PPM1E: variants seen among roughly 807,000 people sequenced by gnomAD.
PPM1E encodes the protein protein phosphatase 1E.
Under a neutral mutation model 65.9 loss-of-function variants are expected in PPM1E, and 20 were observed. The ratio of observed to expected loss-of-function variants is 0.30; its 90% CI spans 0.21 to 0.44. The LOEUF is 0.44. Ranked by LOEUF, PPM1E falls within the 20% of genes least tolerant of loss-of-function variation. PPM1E has a pLI of 1.00. For missense variants in PPM1E, 713 were observed against 953.1 expected (o/e 0.75, Z 3.32); for synonymous variants, 352 against 374.9 (o/e 0.94, Z 0.70).
intron 1 of PPM1E, among the ~76,000 whole-genome samples, chr17:58,948,460 G>T (rs957256965): frequency 1.9e-4 from 29 of 151,584 alleles, no homozygotes; most frequent in African/African-American, 7.0e-4. Flanking sequence ...GGCAAGTAAG[G>T]TTTCTTCCTT....
Position 58,756,325 on chromosome 17 carries a change from G to T in PPM1E, c.328G>T (p.Gly110Trp), listed in dbSNP as rs1297508911. 1 of 1,470,620 alleles carries T rather than the reference G, an allele frequency of 6.8e-7. No individual in the cohort carries two copies. The highest frequency in any genetic ancestry group is 2.5e-5 in the Admixed American group (1 of 39,982). The allele number at this position is 1,470,620 out of a possible 1,614,324, so 91.1% of individuals were successfully genotyped here. A position where few individuals can be genotyped will look rare whatever the true frequency, so the allele number is the denominator to read the frequency against. The stretch of plus-strand genomic sequence containing the variant: ...CGCGGCGACGGCGGCGGCAGCCCCG[G>T]GGCACTCGGCCGTGCCGCCGCCGCC... ...EGAATAAAAP[G>W]HSAVPPPPPQ... is the part of the protein sequence containing the mutation. The change falls in exon 1 of 7, where the codon GGG becomes TGG. Residue 110 changes from glycine (G) to tryptophan (W), a missense_variant. Coordinates refer to ENST00000308249, the MANE Select transcript of PPM1E (RefSeq NM_014906.5).
intron 1 of PPM1E, among the ~76,000 whole-genome samples, chr17:58,906,198 A>G (rs2051556196): frequency 6.6e-6 from 1 of 152,142 alleles, no homozygotes; most frequent in East Asian, 1.9e-4. Context: ...GTGATGTCCC[A>G]TCTTTCATTC....
intron 1 of PPM1E, among the ~76,000 whole-genome samples, chr17:58,837,807 T>G (rs544895003): frequency 6.6e-6 from 1 of 152,308 alleles, no homozygotes; most frequent in Non-Finnish European, 1.5e-5. Context: ...CCATGAGGTT[T>G]TTATAAATTA....
chr17:58,899,352 C>T (rs1044186574), intron 1 of PPM1E: 26 of 152,772 alleles, frequency 1.7e-4, no homozygotes. Flanking sequence ...AAACAAAAAA[C>T]AAACAGTTTC....
In PPM1E at chr17:58,984,978, T is replaced by C. The variant is rs1027246005; in HGVS notation, c.*3947T>C. ...GTTCATAACATTTCTCTGCAAAGAA[T>C]TCTCTATGGAGTGAAGCGAATGAAG... On this transcript the variant is annotated 3_prime_UTR_variant, in exon 7 of 7. Coordinates refer to ENST00000308249, the MANE Select transcript of PPM1E (RefSeq NM_014906.5). 1 of 152,664 alleles carries C rather than the reference T, an allele frequency of 6.6e-6. No individual in the cohort carries two copies. Among genetic ancestry groups the C allele is most frequent in the African/African-American group, 2.4e-5 (1 of 41,464 alleles). 9.5% of individuals were successfully genotyped at this position (152,664 alleles called of 1,614,324 possible).
At chr17:58,805,968 A>AC (rs2050304935) in intron 1 of PPM1E, among the ~76,000 whole-genome samples, 1 of 111,324 alleles carries the variant, frequency 9.0e-6, no homozygotes, top group Non-Finnish European at 1.8e-5. Context: ...AAACAAAAAA[A>AC]AAAAACAAAA....
At chr17:58,907,106 C>T (rs1221136580) in intron 1 of PPM1E, among the ~76,000 whole-genome samples, 1 of 152,036 alleles carries the variant, frequency 6.6e-6, no homozygotes, top group Admixed American at 6.6e-5. Flanking sequence ...TTTAGTCGAG[C>T]GTGGTGGCAC....
intron 2 of PPM1E, among the ~76,000 whole-genome samples, chr17:58,963,726 A>AAAATAAT (rs1470456443): frequency 6.6e-6 from 1 of 151,888 alleles, no homozygotes; most frequent in Admixed American, 6.6e-5. Flanking sequence ...TAAAAAATAA[A>AAAATAAT]AAATAAATAA....
At chr17:58,779,331 C>G (rs1333405111) in intron 1 of PPM1E, among the ~76,000 whole-genome samples, 1 of 151,732 alleles carries the variant, frequency 6.6e-6, no homozygotes, top group Non-Finnish European at 1.5e-5. Context: ...ACCACCACAC[C>G]CAGCTAGTTT....
At chr17:58,850,177 T>C (rs1174179251) in intron 1 of PPM1E, among the ~76,000 whole-genome samples, 2 of 152,126 alleles carry the variant, frequency 1.3e-5, no homozygotes, top group Non-Finnish European at 2.9e-5. Flanking sequence ...TGTCTCTGCA[T>C]GTGAGATGGG....
intron 1 of PPM1E, among the ~76,000 whole-genome samples, chr17:58,930,188 G>C (rs1598656577): frequency 6.6e-6 from 1 of 151,636 alleles, no homozygotes; most frequent in Middle Eastern, 3.4e-3. Flanking sequence ...TTAAGTCCAG[G>C]AGTTCAAGAC....
intron 1 of PPM1E, among the ~76,000 whole-genome samples, chr17:58,762,497 TA>T (rs2049830780): frequency 6.6e-6 from 1 of 152,092 alleles, no homozygotes; most frequent in Non-Finnish European, 1.5e-5. Flanking sequence ...AATCATGAGT[TA>T]AACATAATAT....
chr17:58,801,440 CTTTTT>C (rs35970989), intron 1 of PPM1E, among the ~76,000 whole-genome samples: 1 of 101,142 alleles, frequency 9.9e-6, no homozygotes, highest in Non-Finnish European at 2.0e-5. Context: ...CCCCTTCAGT[CTTTTT>C]TTTTTTTTTT....
intron 1 of PPM1E, among the ~76,000 whole-genome samples, chr17:58,870,490 C>T (rs925014335): frequency 2.9e-4 from 44 of 152,250 alleles, no homozygotes; most frequent in Middle Eastern, 3.4e-3. Context: ...CTTGCCCACC[C>T]CCAAGTAGTT....
intron 6 of PPM1E, 106 bp from the exon 7 acceptor site, chr17:58,979,868 C>A (rs2031261154): frequency 2.3e-6 from 2 of 883,532 alleles, no homozygotes; most frequent in Non-Finnish European, 3.4e-6. Context: ...CAAGTCAGTT[C>A]ACAATCCAGT....
At chr17:58,883,242 G>A (rs1469652734) in intron 1 of PPM1E, among the ~76,000 whole-genome samples, 1 of 151,968 alleles carries the variant, frequency 6.6e-6, no homozygotes, top group Non-Finnish European at 1.5e-5. Context: ...ACAGGTGTGA[G>A]CCACCGCGCC....
chr17:58,860,936 T>TA lies in PPM1E; in HGVS notation c.465-94704dup, dbSNP rs1210641831. 1.4e-4 allele frequency among the ~76,000 whole-genome samples: 21 copies of TA among 149,434 alleles called. 1 individual carries two copies. The highest frequency in any genetic ancestry group is 6.4e-4 in the South Asian group (3 of 4,678). ...TGGGCGACAGAGTGAGACTCCGTCT[T>TA]AAAAAAAAAGAAAAAAAAAGCTAAC... is the stretch of plus-strand genomic sequence containing the variant. On this transcript the variant is annotated intron_variant, in intron 1 of 6. Transcript: ENST00000308249.
intron 1 of PPM1E, chr17:58,785,458 T>TTATATATATATATA (rs71367630): frequency 0.017 from 1,539 of 88,534 alleles, 50 homozygotes; most frequent in East Asian, 0.025. Context: ...CCTGGCTAAT[T>TTATATATATATATA]TATATATATA....
At chr17:58,763,638 T>C (rs1008603659) in intron 1 of PPM1E, among the ~76,000 whole-genome samples, 1 of 152,132 alleles carries the variant, frequency 6.6e-6, no homozygotes, top group African/African-American at 2.4e-5. Flanking sequence ...AATGTCAGAT[T>C]GATATAAGTA....
Sources: gnomAD v4.1 joint callset for allele counts (sites outside exome capture counted in the v4.1 genomes callset) on GRCh38, gnomAD v4.1.1 for gene constraint, MANE v1.5 for transcripts, NCBI Gene and HGNC (gene_info 2026-07-23, HGNC 2026-07-21) for gene names.